The following PARD3 variants were observed in gnomAD, a reference collection of about 807,000 sequenced individuals.
PARD3 encodes partitioning defective 3 homolog.
In PARD3, 75 loss-of-function variants were observed where a neutral mutation model predicts 155.4. The observed-to-expected ratio is 0.48, with a 90% confidence interval of 0.40 to 0.58. PARD3 has a LOEUF of 0.58. PARD3 is among the 20% of genes least tolerant of loss of function. The pLI is 0.00. For missense variants in PARD3, 1,642 were observed against 1,721.7 expected, an observed-to-expected ratio of 0.95 and a Z score of 0.82; for synonymous variants, 576 against 610.5, an observed-to-expected ratio of 0.94 and a Z score of 0.83.
intron 3 of PARD3, among the ~76,000 whole-genome samples, chr10:34,482,032 CT>C (rs58877037): frequency 2.6e-3 from 261 of 101,570 alleles, no homozygotes; most frequent in East Asian, 0.011. Flanking sequence ...TAATTTTTAT[CT>C]TTTTTTTTTT....
intron 22 of PARD3, among the ~76,000 whole-genome samples, chr10:34,247,314 C>CAACA (rs1300786602): frequency 2.0e-5 from 3 of 152,042 alleles, no homozygotes; most frequent in Non-Finnish European, 4.4e-5. Context: ...CCAGCCTGGC[C>CAACA]AACATGGTGA....
intron 2 of PARD3, among the ~76,000 whole-genome samples, chr10:34,606,069 C>T (rs529179622): frequency 1.8e-3 from 255 of 143,164 alleles, no homozygotes; most frequent in Admixed American, 3.0e-3. Flanking sequence ...TGAGGAAAAA[C>T]TCCCCTTTAT....
At chr10:34,417,251 G>A (rs1357914322) in intron 5 of PARD3, among the ~76,000 whole-genome samples, 1 of 152,156 alleles carries the variant, frequency 6.6e-6, no homozygotes, top group Non-Finnish European at 1.5e-5. Flanking sequence ...GGTCTCGGCG[G>A]ACTGATTTTG....
At chr10:34,532,792 T>C (rs2082948397) in intron 2 of PARD3, among the ~76,000 whole-genome samples, 2 of 152,330 alleles carry the variant, frequency 1.3e-5, no homozygotes, top group Middle Eastern at 6.8e-3. Flanking sequence ...CTAACTCTAT[T>C]TTTACACTGA....
intron 24 of PARD3, among the ~76,000 whole-genome samples, 178 bp downstream of exon 24, chr10:34,119,435 G>A (rs972070745): frequency 6.6e-6 from 1 of 152,160 alleles, no homozygotes; most frequent in African/African-American, 2.4e-5. Context: ...CCCTGGCCTC[G>A]CAGTACGACA....
chr10:34,764,689 G>C (rs1837864473), intron 1 of PARD3, among the ~76,000 whole-genome samples: 1 of 152,092 alleles, frequency 6.6e-6, no homozygotes, highest in Admixed American at 6.6e-5. Flanking sequence ...GTGTGTTAAG[G>C]GTAGTGTGCT....
chr10:34,186,726 T>A (rs948050501), intron 22 of PARD3, among the ~76,000 whole-genome samples: 1 of 152,140 alleles, frequency 6.6e-6, no homozygotes, highest in Admixed American at 6.5e-5. Context: ...CTCCTTCCTC[T>A]TCCCTGGGTG....
chr10:34,227,856 T>TTTTATATATATATA (rs1554814033), intron 22 of PARD3, among the ~76,000 whole-genome samples: 4 of 82,278 alleles, frequency 4.9e-5, no homozygotes, highest in South Asian at 3.1e-4. Context: ...GAATTATTTT[T>TTTTATATATATATA]TATATATATA....
chr10:34,517,373 A>G (rs1219467168), intron 2 of PARD3, among the ~76,000 whole-genome samples: 1 of 152,244 alleles, frequency 6.6e-6, no homozygotes, highest in Non-Finnish European at 1.5e-5. Context: ...TTCACATTCA[A>G]AAGTCTATGG....
chr10:34,131,414 G>T (rs779559663), intron 23 of PARD3, 49 bp downstream of exon 23: 4 of 1,609,880 alleles, frequency 2.5e-6, no homozygotes, highest in Non-Finnish European at 3.4e-6. Context: ...GGCCTTTGCT[G>T]CAGGGAAGTT....
intron 1 of PARD3, among the ~76,000 whole-genome samples, chr10:34,734,974 A>G (rs1402540067): frequency 1.5e-5 from 2 of 132,850 alleles, no homozygotes; most frequent in Non-Finnish European, 3.4e-5. Flanking sequence ...TTACTATTAC[A>G]AAGGGCTTAT....
intron 11 of PARD3, 69 bp from the exon 12 acceptor site, chr10:34,372,605 G>A: frequency 9.1e-7 from 1 of 1,098,852 alleles, no homozygotes; most frequent in Non-Finnish European, 1.4e-6. Flanking sequence ...GGGACACAAT[G>A]ATTTATTTTA....
At chr10:34,606,504 A>G (rs1009704767) in intron 2 of PARD3, among the ~76,000 whole-genome samples, 1 of 151,950 alleles carries the variant, frequency 6.6e-6, no homozygotes, top group African/African-American at 2.4e-5. Context: ...ACATTTTTAT[A>G]AAAGTTGGAG....
At chr10:34,456,429 T>C (rs2077344674) in intron 4 of PARD3, among the ~76,000 whole-genome samples, 1 of 152,124 alleles carries the variant, frequency 6.6e-6, no homozygotes, top group South Asian at 2.1e-4. Context: ...CCCGAGTAGC[T>C]GGGATTACAG....
chr10:34,674,734 G>C (rs1358644303), intron 2 of PARD3, among the ~76,000 whole-genome samples: 3 of 152,024 alleles, frequency 2.0e-5, no homozygotes, highest in African/African-American at 4.8e-5. Context: ...TGATCCACCT[G>C]TCTCGGCCTC....
At chr10:34,225,734 T>C (rs1445144478) in intron 22 of PARD3, among the ~76,000 whole-genome samples, 1 of 152,144 alleles carries the variant, frequency 6.6e-6, no homozygotes, top group Non-Finnish European at 1.5e-5. Context: ...ACAAAAATTA[T>C]CTCAAAATGG....
chr10:34,313,316 C>T (rs1957805677), intron 20 of PARD3, among the ~76,000 whole-genome samples: 1 of 152,124 alleles, frequency 6.6e-6, no homozygotes. Context: ...AGATACAAAG[C>T]CATTTTAATT....
At chr10:34,448,187 A>G (rs939196296) in intron 5 of PARD3, among the ~76,000 whole-genome samples, 1 of 151,942 alleles carries the variant, frequency 6.6e-6, no homozygotes, top group South Asian at 2.1e-4. Context: ...ATAAAATGGA[A>G]TATTATTCAG....
intron 2 of PARD3, among the ~76,000 whole-genome samples, chr10:34,634,336 C>T (rs1162225291): frequency 6.6e-6 from 1 of 152,014 alleles, no homozygotes; most frequent in South Asian, 2.1e-4. Flanking sequence ...ACCATTTGTG[C>T]GTGTGGGTGT....
Sources: allele counts gnomAD v4.1 joint callset (sites outside exome capture counted in the v4.1 genomes callset), GRCh38; gene constraint gnomAD v4.1.1; transcripts MANE v1.5; gene names NCBI Gene and HGNC (gene_info 2026-07-23, HGNC 2026-07-21).